MCF2L2: variants seen among roughly 807,000 people sequenced by gnomAD.
MCF2L2 encodes MCF.2 cell line derived transforming sequence-like 2.
MCF2L2 carries 102 observed loss-of-function variants against 150.2 expected under a neutral mutation model. That is an observed-to-expected ratio of 0.68 (90% CI 0.58 to 0.80). MCF2L2 has a LOEUF of 0.80. Ranked by LOEUF, MCF2L2 falls within the 30% of genes least tolerant of loss-of-function variation. MCF2L2 has a pLI of 0.00. For missense variants in MCF2L2, 1,256 were observed against 1,372.8 expected, an observed-to-expected ratio of 0.91 and a Z score of 1.34; for synonymous variants, 465 against 491.3, an observed-to-expected ratio of 0.95 and a Z score of 0.71.
At chr3:183,303,865 T>C (rs1443557876) in intron 10 of MCF2L2, among the ~76,000 whole-genome samples, 3 of 152,158 alleles carry the variant, frequency 2.0e-5, no homozygotes, top group African/African-American at 4.8e-5. Flanking sequence ...TCTTGAGCAA[T>C]GCACACGGGG....
At chr3:183,399,961 A>T (rs1205013251) in intron 1 of MCF2L2, among the ~76,000 whole-genome samples, 1 of 152,230 alleles carries the variant, frequency 6.6e-6, no homozygotes, top group Non-Finnish European at 1.5e-5. Context: ...AAACAAAATT[A>T]AGTAAAACTT....
At chr3:183,310,831 C>A (rs1459961490) in intron 9 of MCF2L2, 84 bp downstream of exon 9, 3 of 872,144 alleles carry the variant, frequency 3.4e-6, no homozygotes, top group East Asian at 5.3e-5. Flanking sequence ...AAGAGGGAAA[C>A]CCCATACCAA....
Position 183,318,220 on chromosome 3 carries a change from G to A in MCF2L2, c.604-3C>T. On this transcript the variant is annotated splice_region_variant and splice_polypyrimidine_tract_variant and intron_variant, in intron 6 of 29. Transcript: ENST00000328913. Reference sequence around the variant, plus strand: ...GTCAAGGCAAAGTTTTCGATGGCCTGGAAGGTCAGACAATTGTAACAATAT... The same window carrying A: ...GTCAAGGCAAAGTTTTCGATGGCCTAGAAGGTCAGACAATTGTAACAATAT... The A allele has an allele frequency of 6.2e-7, 1 of 1,614,138 alleles. No individual in the cohort carries two copies.
chr3:183,311,570 A>G, intron 8 of MCF2L2, 78 bp downstream of exon 8: 2 of 1,538,862 alleles, frequency 1.3e-6, no homozygotes, highest in Non-Finnish European at 1.8e-6. Context: ...GGCTGTTCCA[A>G]TCTGTTCTTG....
chr3:183,195,358 C>T (rs775305848), intron 25 of MCF2L2, 103 bp from the exon 26 acceptor site: 15 of 756,798 alleles, frequency 2.0e-5, no homozygotes, highest in Non-Finnish European at 3.3e-5. Flanking sequence ...AAAGAGAATA[C>T]TATAAAAATA....
chr3:183,218,749 C>T (rs1277201750), intron 21 of MCF2L2, among the ~76,000 whole-genome samples: 1 of 152,118 alleles, frequency 6.6e-6, no homozygotes, highest in Non-Finnish European at 1.5e-5. Context: ...CTTCCCATCC[C>T]CCTTCCTTCC....
chr3:183,224,355 A>T (rs538355450), intron 18 of MCF2L2, 165 bp from the exon 19 acceptor site: 9 of 571,556 alleles, frequency 1.6e-5, no homozygotes, highest in Non-Finnish European at 2.8e-5. Context: ...TGTGATGGAG[A>T]GATAAACAGA....
At chr3:183,404,936 A>C (rs1714966143) in intron 1 of MCF2L2, among the ~76,000 whole-genome samples, 1 of 152,192 alleles carries the variant, frequency 6.6e-6, no homozygotes, top group Non-Finnish European at 1.5e-5. Context: ...GCATCTTAAA[A>C]ATAACATTGG....
At chr3:183,356,098 T>G (rs1487207608) in intron 3 of MCF2L2, among the ~76,000 whole-genome samples, 2 of 150,360 alleles carry the variant, frequency 1.3e-5, no homozygotes, top group African/African-American at 4.9e-5. Flanking sequence ...CTGAAGAAAC[T>G]TCAGACCATA....
At position 183,289,130 on chromosome 3, in the gene MCF2L2, A is replaced by G. The variant is rs3732602; in HGVS notation, c.1766T>C (p.Phe589Ser). The change falls in exon 14 of 30, where the codon TTT becomes TCT. Residue 589 changes from phenylalanine (F) to serine (S), a missense_variant. Coordinates refer to ENST00000328913, the MANE Select transcript of MCF2L2 (RefSeq NM_015078.4). The stretch of plus-strand genomic sequence containing the variant: ...TAAAGGTAATTTTACCTTGACTTCA[A>G]ATTTAGTCTCATCATCTTCCTTTCC... ...SRGKEDDETKFEVKSEEIFES... is the reference protein window; with the variant it reads ...SRGKEDDETKSEVKSEEIFES... The G allele has an allele frequency of 0.013, 21,062 of 1,611,888 alleles. 272 individuals carry two copies. Among genetic ancestry groups the G allele is most frequent in the Middle Eastern group, 0.044 (268 of 6,050 alleles).
chr3:183,205,724 T>C (rs1722446992), intron 25 of MCF2L2, 152 bp downstream of exon 25: 1 of 621,712 alleles, frequency 1.6e-6, no homozygotes, highest in Non-Finnish European at 2.9e-6. Context: ...ACAGTGGAAA[T>C]CAAGCATAGG....
intron 5 of MCF2L2, among the ~76,000 whole-genome samples, chr3:183,333,887 G>A (rs6780072): frequency 0.26 from 39,092 of 151,006 alleles, 7,261 homozygotes; most frequent in African/African-American, 0.53. Flanking sequence ...AGAAATGGCC[G>A]GTAACAAAGC....
intron 11 of MCF2L2, chr3:183,297,541 AGG>A: frequency 5.4e-6 from 1 of 183,674 alleles, no homozygotes; most frequent in South Asian, 1.1e-4. Context: ...CAGCCTGGAG[AGG>A]TCTACCCCAG....
chr3:183,258,571 C>T (rs1433069316), intron 15 of MCF2L2, among the ~76,000 whole-genome samples: 2 of 152,214 alleles, frequency 1.3e-5, no homozygotes, highest in Non-Finnish European at 2.9e-5. Context: ...TCTTCATTCA[C>T]AGAGCACCTG....
intron 2 of MCF2L2, among the ~76,000 whole-genome samples, chr3:183,383,227 T>TA (rs397973336): frequency 0.11 from 16,440 of 148,032 alleles, 1,336 homozygotes; most frequent in African/African-American, 0.23. Flanking sequence ...TTTATTTATT[T>TA]TATTTATTTA....
intron 22 of MCF2L2, among the ~76,000 whole-genome samples, chr3:183,215,075 T>C (rs1163132490): frequency 1.3e-5 from 2 of 152,094 alleles, no homozygotes; most frequent in East Asian, 1.9e-4. Flanking sequence ...ATAGAAGCCA[T>C]GAGCCATGGA....
At chr3:183,418,358 A>T (rs775963806) in intron 1 of MCF2L2, among the ~76,000 whole-genome samples, 1 of 152,198 alleles carries the variant, frequency 6.6e-6, no homozygotes, top group Non-Finnish European at 1.5e-5. Flanking sequence ...ACACAGAGCC[A>T]AACCATATTA....
At chr3:183,385,796 T>C (rs1221418877) in intron 2 of MCF2L2, among the ~76,000 whole-genome samples, 1 of 152,196 alleles carries the variant, frequency 6.6e-6, no homozygotes, top group Admixed American at 6.5e-5. Flanking sequence ...TGAGATTCTC[T>C]TGCTGCCAGG....
intron 15 of MCF2L2, among the ~76,000 whole-genome samples, chr3:183,259,252 G>A (rs1725365647): frequency 6.6e-6 from 1 of 152,172 alleles, no homozygotes; most frequent in Non-Finnish European, 1.5e-5. Context: ...AGTGAACGTT[G>A]TTCTTCTAGT....
Sources: allele counts gnomAD v4.1 joint callset (sites outside exome capture counted in the v4.1 genomes callset), GRCh38; gene constraint gnomAD v4.1.1; transcripts MANE v1.5; gene names NCBI Gene and HGNC (gene_info 2026-07-23, HGNC 2026-07-21).